Variants in CCDC178 observed in about 807,000 individuals in gnomAD.
CCDC178 encodes the protein coiled-coil domain containing 178, also known as coiled-coil domain-containing protein 178.
A neutral mutation model predicts 117.4 loss-of-function variants in CCDC178; 126 were observed. The observed-to-expected ratio is 1.07, with a 90% CI of 0.93 to 1.24. The LOEUF (loss-of-function observed/expected upper bound fraction) is 1.24, where lower values mean the gene tolerates loss of function less well. Ranked by LOEUF, CCDC178 falls within the 50% of genes most tolerant of loss-of-function variation. The pLI is 0.00. For missense variants in CCDC178, 1,030 were observed against 986.9 expected (o/e 1.04, Z -0.59); for synonymous variants, 283 against 313.4 (o/e 0.90, Z 1.02).
intron 21 of CCDC178, among the ~76,000 whole-genome samples, chr18:33,058,718 C>T (rs371411432): frequency 3.3e-5 from 5 of 152,158 alleles, no homozygotes; most frequent in South Asian, 2.1e-4. Context: ...TGATGGTTTA[C>T]GTACAAATTC....
intron 14 of CCDC178, among the ~76,000 whole-genome samples, chr18:33,265,947 T>C (rs2059808359): frequency 6.6e-6 from 1 of 152,104 alleles, no homozygotes; most frequent in African/African-American, 2.4e-5. Flanking sequence ...TAGTTCTTGT[T>C]GATCCATTAA....
chr18:33,385,334 A>T (rs1425140392), intron 5 of CCDC178, among the ~76,000 whole-genome samples: 1 of 152,186 alleles, frequency 6.6e-6, no homozygotes, highest in Non-Finnish European at 1.5e-5. Flanking sequence ...AAAGATATCC[A>T]GGACTTGAAC....
chr18:33,370,117 G>C lies in CCDC178; in HGVS notation c.281C>G (p.Pro94Arg). Residue 94 changes from proline to arginine, a missense_variant, in exon 6 of 23, where the codon CCT (proline) becomes CGT (arginine). Transcript: ENST00000383096. Reference protein sequence around the residue: ...HSCAVVNIPAPCVNKMISHIQ... With the variant: ...HSCAVVNIPARCVNKMISHIQ... ...GTGTGAAATCATTTTGTTGACACAAGGTGCTGGAATATTTACTACGGCACA... is the reference window on the plus strand; with the variant it reads ...GTGTGAAATCATTTTGTTGACACAACGTGCTGGAATATTTACTACGGCACA... 2 of 1,605,856 alleles carry C rather than the reference G, an allele frequency of 1.2e-6. No individual in the cohort carries two copies. Among genetic ancestry groups the C allele is most frequent in the Non-Finnish European group, 1.7e-6 (2 of 1,176,284 alleles).
intron 20 of CCDC178, among the ~76,000 whole-genome samples, chr18:33,186,324 C>T (rs1212321332): frequency 6.6e-6 from 1 of 151,826 alleles, no homozygotes; most frequent in Non-Finnish European, 1.5e-5. Flanking sequence ...GTATTTTAAT[C>T]TTAAATAGCA....
intron 21 of CCDC178, among the ~76,000 whole-genome samples, chr18:33,056,824 C>T (rs1339759681): frequency 2.0e-5 from 3 of 151,954 alleles, no homozygotes; most frequent in Non-Finnish European, 4.4e-5. Flanking sequence ...GTATACTTTT[C>T]CAGTTTATAG....
At chr18:33,242,138 CA>C (rs1568081840) in intron 15 of CCDC178, among the ~76,000 whole-genome samples, 1 of 151,784 alleles carries the variant, frequency 6.6e-6, no homozygotes, top group Non-Finnish European at 1.5e-5. Context: ...TGATTTTTGA[CA>C]AAGGCACCAA....
chr18:33,031,918 G>T (rs1342012180), intron 21 of CCDC178, among the ~76,000 whole-genome samples: 1 of 152,012 alleles, frequency 6.6e-6, no homozygotes, highest in East Asian at 1.9e-4. Flanking sequence ...ATCTAGTAAT[G>T]AGAATGAACT....
chr18:33,432,315 G>A (rs544681660), intron 2 of CCDC178, among the ~76,000 whole-genome samples: 4 of 51,436 alleles, frequency 7.8e-5, no homozygotes, highest in East Asian at 0.016. Context: ...TACATACTCC[G>A]TTTCTGGGCT....
intron 12 of CCDC178, among the ~76,000 whole-genome samples, chr18:33,279,918 G>A (rs1248534805): frequency 6.6e-6 from 1 of 152,018 alleles, no homozygotes; most frequent in African/African-American, 2.4e-5. Context: ...GCTGAAACTG[G>A]ATCCCTTCCT....
chr18:33,059,365 G>A (rs1313780313), intron 21 of CCDC178, among the ~76,000 whole-genome samples: 5 of 152,030 alleles, frequency 3.3e-5, no homozygotes, highest in African/African-American at 9.7e-5. Flanking sequence ...ACTCTGCATC[G>A]TCACTTCCTC....
chr18:33,228,328 G>GT (rs999327216), intron 15 of CCDC178, among the ~76,000 whole-genome samples: 5 of 151,920 alleles, frequency 3.3e-5, no homozygotes, highest in Admixed American at 6.5e-5. Flanking sequence ...TTTTTTGTTT[G>GT]TTTTTTTAAT....
chr18:33,185,929 A>G (rs1425500967), intron 20 of CCDC178, among the ~76,000 whole-genome samples: 2 of 152,034 alleles, frequency 1.3e-5, no homozygotes, highest in African/African-American at 4.8e-5. Flanking sequence ...AAAAAAAACC[A>G]CTACACTACC....
chr18:32,942,376 G>C (rs577512983), intron 22 of CCDC178, among the ~76,000 whole-genome samples: 2 of 152,044 alleles, frequency 1.3e-5, no homozygotes. Flanking sequence ...TCTAAGTGAG[G>C]CATAATCACT....
intron 22 of CCDC178, among the ~76,000 whole-genome samples, chr18:32,957,379 A>T (rs2054616466): frequency 6.6e-6 from 1 of 152,154 alleles, no homozygotes; most frequent in East Asian, 1.9e-4. Context: ...TGCATCCAAA[A>T]TGGTGTGATG....
chr18:33,215,441 T>C (rs2059153031), intron 19 of CCDC178, 109 bp downstream of exon 19: 4 of 707,134 alleles, frequency 5.7e-6, no homozygotes, highest in Non-Finnish European at 4.2e-6. Context: ...CACTACGTTA[T>C]AATTAAAAAT....
At chr18:33,179,391 AGTCTT>A (rs1298866897) in intron 20 of CCDC178, among the ~76,000 whole-genome samples, 1 of 151,526 alleles carries the variant, frequency 6.6e-6, no homozygotes, top group African/African-American at 2.4e-5. Context: ...TTTATTAACT[AGTCTT>A]AATTCAAATA....
intron 20 of CCDC178, among the ~76,000 whole-genome samples, chr18:33,136,938 G>T (rs1357444750): frequency 6.6e-6 from 1 of 152,118 alleles, no homozygotes; most frequent in Non-Finnish European, 1.5e-5. Context: ...TCTCTTAGGG[G>T]TTGAGGCCAT....
chr18:33,257,391 A>G lies in CCDC178; in HGVS notation c.1409+9525T>C, dbSNP rs540990725. Among the ~76,000 whole-genome samples the G allele has an allele frequency of 1.2e-4, 18 of 151,846 alleles. No homozygotes were observed. The South Asian group carries it at 2.3e-3, about 19-fold the overall frequency. On this transcript the variant is annotated intron_variant, in intron 14 of 22. Coordinates refer to ENST00000383096, the MANE Select transcript of CCDC178 (RefSeq NM_001105528.4). ...CACTTAAGTGCCCTTACTTTATCCA[A>G]CTCCTTCACTTGCACAGATCCATGG...
intron 2 of CCDC178, among the ~76,000 whole-genome samples, chr18:33,438,715 T>C (rs1030943274): frequency 6.6e-5 from 10 of 152,104 alleles, no homozygotes; most frequent in African/African-American, 2.4e-4. Context: ...TCTCTCCCTA[T>C]ATCATTACCT....
Sources: gnomAD v4.1 joint callset for allele counts (sites outside exome capture counted in the v4.1 genomes callset) on GRCh38, gnomAD v4.1.1 for gene constraint, MANE v1.5 for transcripts, NCBI Gene and HGNC (gene_info 2026-07-23, HGNC 2026-07-21) for gene names.